LMOD1: variants seen among roughly 807,000 people sequenced by gnomAD.
LMOD1 encodes the protein leiomodin-1.
Under a neutral mutation model 36.5 loss-of-function variants are expected in LMOD1, and 8 were observed. That is an observed-to-expected ratio of 0.22 (90% CI 0.13 to 0.40). The LOEUF is 0.40. Ranked by LOEUF, LMOD1 falls within the 10% of genes least tolerant of loss-of-function variation. LMOD1 has a pLI of 1.00. For missense variants in LMOD1, 630 were observed against 751.1 expected, an observed-to-expected ratio of 0.84 and a Z score of 1.88; for synonymous variants, 284 against 288.7, an observed-to-expected ratio of 0.98 and a Z score of 0.17.
intron 1 of LMOD1, among the ~76,000 whole-genome samples, chr1:201,903,243 C>T (rs1050617500): frequency 1.3e-5 from 2 of 152,174 alleles, no homozygotes; most frequent in South Asian, 2.1e-4. Flanking sequence ...TTTTTAGCAG[C>T]GAGAGTCCTT....
intron 1 of LMOD1, among the ~76,000 whole-genome samples, chr1:201,930,071 C>T (rs1002703857): frequency 6.6e-6 from 1 of 152,102 alleles, no homozygotes; most frequent in African/African-American, 2.4e-5. Flanking sequence ...TAAAGCCTGG[C>T]GCTCTGGAGA....
chr1:201,941,661 C>T (rs1484962718), intron 1 of LMOD1, among the ~76,000 whole-genome samples: 2 of 152,250 alleles, frequency 1.3e-5, no homozygotes, highest in African/African-American at 4.8e-5. Flanking sequence ...ACCATGGACA[C>T]TGAGCTGTGA....
At position 201,899,408 on chromosome 1, in the gene LMOD1, T is replaced by C. The variant is rs1478627505; in HGVS notation, c.1605A>G (p.Pro535=). The C allele has an allele frequency of 1.2e-6, 1 of 832,014 alleles. No homozygotes were observed. The allele number at this position is 832,014 out of a possible 1,614,324, so 51.5% of individuals were successfully genotyped here. A position where few individuals can be genotyped will look rare whatever the true frequency, so the allele number is the denominator to read the frequency against. The change falls in exon 2 of 3, where the codon CCA becomes CCG. Residue 535 remains proline, a synonymous_variant. Transcript: ENST00000367288. This position sits in a 1 kb window ranked among gnomAD's most constrained non-coding sequence, Gnocchi z 6.3. ...PKKGGAPAAP[P]PPPPPLAPPL... ...GTGGAGCCAAGGGAGGGGGAGGGGG[T>C]GGTGGGGCAGCTGGAGCACCCCCTT...
At chr1:201,918,140 C>T (rs879623450) in intron 1 of LMOD1, among the ~76,000 whole-genome samples, 7 of 152,234 alleles carry the variant, frequency 4.6e-5, no homozygotes, top group Non-Finnish European at 1.0e-4. Flanking sequence ...TCTGTCTTCC[C>T]GCCTTCTCCC....
Position 201,924,463 on chromosome 1 carries a change from A to G in LMOD1, c.261+21617T>C, listed in dbSNP as rs147409386. 1.4e-3 allele frequency among the ~76,000 whole-genome samples: 68 copies of G among 49,574 alleles called. No homozygotes were observed. In the East Asian group the frequency reaches 0.022, roughly 16 times the overall value. 32.5% of individuals were successfully genotyped at this position (49,574 alleles called of 152,430 possible). On this transcript the variant is annotated intron_variant, in intron 1 of 2. Coordinates refer to ENST00000367288, the MANE Select transcript of LMOD1 (RefSeq NM_012134.3). ...AAGCAAGGAAGGAGGGAGGGAGGGA[A>G]GGAAGGAAGGAAGGAAGCAAGGAAG...
At chr1:201,926,648 A>G (rs898132740) in intron 1 of LMOD1, among the ~76,000 whole-genome samples, 14 of 152,210 alleles carry the variant, frequency 9.2e-5, no homozygotes, top group African/African-American at 3.4e-4. Flanking sequence ...AGGGAACACA[A>G]TTTATGTGAA....
intron 1 of LMOD1, among the ~76,000 whole-genome samples, chr1:201,902,444 GGTTT>G (rs5780094): frequency 3.3e-5 from 5 of 149,640 alleles, no homozygotes; most frequent in African/African-American, 4.9e-5. Context: ...GGTTTTTTTT[GGTTT>G]GTTTGTTTGT....
chr1:201,945,510 C>G (rs1214299452), intron 1 of LMOD1, among the ~76,000 whole-genome samples: 1 of 152,176 alleles, frequency 6.6e-6, no homozygotes, highest in African/African-American at 2.4e-5. Context: ...GGTCTTTAAG[C>G]CACATTTCCC....
intron 1 of LMOD1, among the ~76,000 whole-genome samples, chr1:201,914,306 C>T (rs926275508): frequency 8.5e-5 from 13 of 152,144 alleles, no homozygotes; most frequent in African/African-American, 2.9e-4. Flanking sequence ...TCACAAGTGG[C>T]GCCAATGCTG....
chr1:201,922,207 G>A (rs1234054572), intron 1 of LMOD1, among the ~76,000 whole-genome samples: 5 of 152,100 alleles, frequency 3.3e-5, no homozygotes, highest in Non-Finnish European at 7.3e-5. Flanking sequence ...TAAACATAGA[G>A]TTGCCACATG....
At position 201,899,992 on chromosome 1, in the gene LMOD1, C is replaced by G. The variant is rs1490164346; in HGVS notation, c.1021G>C (p.Asp341His). 1 of 1,613,964 alleles carries G rather than the reference C, an allele frequency of 6.2e-7. No individual in the cohort carries two copies. The highest frequency in any genetic ancestry group is 1.3e-5 in the African/African-American group (1 of 75,044). ...EMTEVNVNNS[D>H]CITNEILVRF... is the part of the protein sequence containing the mutation. ...ACCAAGATCTCATTTGTGATGCAGT[C>G]TGAGTTGTTGACGTTCACCTCAGTC... Residue 341 changes from aspartate (D) to histidine (H), a missense_variant, in exon 2 of 3, where the codon GAC (aspartate) becomes CAC (histidine). Asp to His is a moderately conservative substitution (Grantham distance 81). Around this residue, in one of 3 missense-constraint regions of LMOD1, gnomAD observed 81 missense variants for 180.6 expected, o/e 0.45. Coordinates refer to ENST00000367288, the MANE Select transcript of LMOD1 (RefSeq NM_012134.3). The surrounding 1 kb of genome is among the most constrained non-coding windows in gnomAD (Gnocchi z 6.3).
chr1:201,943,855 G>T (rs1254717474), intron 1 of LMOD1, among the ~76,000 whole-genome samples: 4 of 152,118 alleles, frequency 2.6e-5, no homozygotes, highest in Admixed American at 6.5e-5. Context: ...CTTAGATTAG[G>T]TAACTTGTGA....
intron 1 of LMOD1, 110 bp downstream of exon 1, chr1:201,945,970 C>T: frequency 8.9e-7 from 1 of 1,120,596 alleles, no homozygotes; most frequent in Admixed American, 2.2e-5. Context: ...CATTAAAATC[C>T]TTTGCCAACA....
intron 1 of LMOD1, among the ~76,000 whole-genome samples, chr1:201,915,378 C>T (rs758845998): frequency 9.2e-5 from 14 of 152,186 alleles, no homozygotes; most frequent in Non-Finnish European, 1.9e-4. Flanking sequence ...AAAGCTGGAT[C>T]TCTGGGCCAG....
chr1:201,907,699 T>A (rs558548046), intron 1 of LMOD1, among the ~76,000 whole-genome samples: 33 of 152,100 alleles, frequency 2.2e-4, no homozygotes, highest in African/African-American at 7.5e-4. Flanking sequence ...ACAGGTATTA[T>A]CCCCACCAAC....
At chr1:201,908,064 C>G (rs1256184829) in intron 1 of LMOD1, among the ~76,000 whole-genome samples, 1 of 152,100 alleles carries the variant, frequency 6.6e-6, no homozygotes, top group Non-Finnish European at 1.5e-5. Context: ...CACAGAATCA[C>G]TGCAGCCTCC....
Position 201,932,643 on chromosome 1 carries a change from G to A in LMOD1, c.261+13437C>T, listed in dbSNP as rs111310077. 7.5e-3 allele frequency among the ~76,000 whole-genome samples: 1,141 copies of A among 152,184 alleles called. 12 individuals are homozygous for A. Among genetic ancestry groups the A allele is most frequent in the African/African-American group, 0.026 (1,071 of 41,490 alleles). On this transcript the variant is annotated intron_variant, in intron 1 of 2. Transcript: ENST00000367288. ...GGTGCACACCTGTAGTCAGGAGGCT[G>A]AGGTGGAAGGATCACTTGAGCCCAG...
chr1:201,945,268 C>A (rs1682183759), intron 1 of LMOD1, among the ~76,000 whole-genome samples: 1 of 152,126 alleles, frequency 6.6e-6, no homozygotes, highest in Admixed American at 6.5e-5. Flanking sequence ...TGTGCTTAAG[C>A]CCATTGTAGG....
chr1:201,946,356 T>C lies in LMOD1; in HGVS notation c.-16A>G, dbSNP rs558377456. ...CTCTAGACATCTTGGCAAAATGGGC[T>C]GTGGCTGCCAGGGGCTATCAGAGTC... is the stretch of plus-strand genomic sequence containing the variant. On this transcript the variant is annotated 5_prime_UTR_variant, in exon 1 of 3. Coordinates refer to ENST00000367288, the MANE Select transcript of LMOD1 (RefSeq NM_012134.3). The C allele has an allele frequency of 6.2e-7, 1 of 1,611,356 alleles. No individual in the cohort carries two copies. The highest frequency in any genetic ancestry group is 2.2e-5 in the East Asian group (1 of 44,850).
Sources: allele counts gnomAD v4.1 joint callset (sites outside exome capture counted in the v4.1 genomes callset), GRCh38; gene constraint gnomAD v4.1.1; regional missense constraint gnomAD v4.1.1; non-coding constraint Gnocchi (gnomAD v3.1); transcripts MANE v1.5; gene names NCBI Gene and HGNC (gene_info 2026-07-23, HGNC 2026-07-21).